MAPK10: variants seen among roughly 807,000 people sequenced by gnomAD.
MAPK10 encodes the protein mitogen-activated protein kinase 10, also known as JNK3 alpha protein kinase.
MAPK10 carries 25 observed loss-of-function variants against 59.3 expected under a neutral mutation model. The observed-to-expected ratio is 0.42, with a 90% CI of 0.31 to 0.59. The LOEUF (loss-of-function observed/expected upper bound fraction) is 0.59. Ranked by LOEUF, MAPK10 falls within the 20% of genes least tolerant of loss-of-function variation. The pLI is 0.15. For synonymous variants in MAPK10, 190 were observed against 200.5 expected (o/e 0.95, Z 0.44); for missense variants, 351 against 568.9 (o/e 0.62, Z 3.90).
chr4:86,077,073 T>C (rs892848964), intron 9 of MAPK10, among the ~76,000 whole-genome samples: 25 of 152,292 alleles, frequency 1.6e-4, no homozygotes, highest in Middle Eastern at 3.4e-3. Context: ...AATCACCTGA[T>C]ATAATTCTAA....
intron 1 of MAPK10, among the ~76,000 whole-genome samples, chr4:86,444,139 C>G (rs989529095): frequency 6.6e-6 from 1 of 151,630 alleles, no homozygotes; most frequent in African/African-American, 2.4e-5. Flanking sequence ...AATAAGAAAG[C>G]GAGAAAGCAA....
chr4:86,563,882 A>G (rs1760867301), intron 1 of MAPK10, among the ~76,000 whole-genome samples: 1 of 152,154 alleles, frequency 6.6e-6, no homozygotes, highest in Admixed American at 6.5e-5. Flanking sequence ...CCCAGGCTGG[A>G]GTACAGTGGT....
At chr4:86,282,209 C>A (rs2094834777) in intron 2 of MAPK10, among the ~76,000 whole-genome samples, 1 of 152,096 alleles carries the variant, frequency 6.6e-6, no homozygotes, top group Non-Finnish European at 1.5e-5. Context: ...AACTACAAAA[C>A]AATATTCAAA....
chr4:86,258,365 T>G (rs2093841783), intron 2 of MAPK10, among the ~76,000 whole-genome samples: 1 of 152,148 alleles, frequency 6.6e-6, no homozygotes, highest in South Asian at 2.1e-4. Context: ...ATTTTCCTTG[T>G]TCTCAGGTGC....
intron 2 of MAPK10, among the ~76,000 whole-genome samples, chr4:86,226,352 T>C (rs2090613894): frequency 6.6e-6 from 1 of 152,216 alleles, no homozygotes. Context: ...TATTTCAAGT[T>C]CATAGTGCAT....
At chr4:86,488,272 G>C (rs532620360) in intron 1 of MAPK10, among the ~76,000 whole-genome samples, 2 of 152,008 alleles carry the variant, frequency 1.3e-5, no homozygotes, top group African/African-American at 4.8e-5. Context: ...TTATTCTCTC[G>C]ACACAGCTGA....
At position 86,428,164 on chromosome 4, in the gene MAPK10, G is replaced by T. The variant is rs139396011; in HGVS notation, c.-122+24866C>A. On this transcript the variant is annotated intron_variant, in intron 1 of 13. Transcript: ENST00000361569. Reference sequence around the variant, plus strand: ...ACTTTTTTTTTTTTTTTGAGACAAGGTCTTTTTGCTCTGTCGCCCAGGCTG... The same window carrying T: ...ACTTTTTTTTTTTTTTTGAGACAAGTTCTTTTTGCTCTGTCGCCCAGGCTG... Among the ~76,000 whole-genome samples, 918 of 151,470 alleles carry T rather than the reference G, an allele frequency of 6.1e-3. 7 individuals are homozygous for T. Among genetic ancestry groups the T allele is most frequent in the African/African-American group, 0.02 (821 of 41,308 alleles).
At chr4:86,496,370 C>A (rs1754874475) in intron 1 of MAPK10, among the ~76,000 whole-genome samples, 1 of 152,090 alleles carries the variant, frequency 6.6e-6, no homozygotes, top group African/African-American at 2.4e-5. Flanking sequence ...TTTTTAAGTT[C>A]TTTTTAAAAT....
chr4:86,231,526 G>A (rs1490070357), intron 2 of MAPK10, among the ~76,000 whole-genome samples: 1 of 152,052 alleles, frequency 6.6e-6, no homozygotes, highest in Non-Finnish European at 1.5e-5. Context: ...AGCCGGGCAT[G>A]GTGGCGGGCA....
chr4:86,530,551 T>C (rs1430684845), intron 1 of MAPK10, among the ~76,000 whole-genome samples: 1 of 152,152 alleles, frequency 6.6e-6, no homozygotes, highest in Non-Finnish European at 1.5e-5. Context: ...TTCTGACAGA[T>C]CTGGAGGCTG....
intron 11 of MAPK10, among the ~76,000 whole-genome samples, chr4:86,042,016 C>T (rs928329363): frequency 1.3e-5 from 2 of 152,204 alleles, no homozygotes; most frequent in Non-Finnish European, 2.9e-5. Flanking sequence ...CACATGCACA[C>T]ATATGTTTAT....
intron 1 of MAPK10, among the ~76,000 whole-genome samples, chr4:86,441,711 C>A (rs1345198616): frequency 6.6e-6 from 1 of 152,160 alleles, no homozygotes; most frequent in Non-Finnish European, 1.5e-5. Context: ...AAAACATGGA[C>A]TAGGCTGTCA....
At chr4:86,312,759 C>T (rs2148872898) in intron 2 of MAPK10, among the ~76,000 whole-genome samples, 1 of 152,160 alleles carries the variant, frequency 6.6e-6, no homozygotes, top group South Asian at 2.1e-4. Flanking sequence ...AATCCAGCAT[C>T]AGACAGTCCG....
At chr4:86,223,438 G>C (rs1384138315) in intron 2 of MAPK10, among the ~76,000 whole-genome samples, 1 of 152,210 alleles carries the variant, frequency 6.6e-6, no homozygotes, top group Non-Finnish European at 1.5e-5. Context: ...CATTAGAACA[G>C]CATTGCTGGC....
At chr4:86,428,858 C>T (rs1747656948) in intron 1 of MAPK10, among the ~76,000 whole-genome samples, 1 of 152,154 alleles carries the variant, frequency 6.6e-6, no homozygotes, top group Non-Finnish European at 1.5e-5. Context: ...AATAGCTGTA[C>T]ATCATCATTA....
At chr4:86,507,619 T>G (rs1275464166) in intron 1 of MAPK10, among the ~76,000 whole-genome samples, 346 of 15,572 alleles carry the variant, frequency 0.022, 7 homozygotes, top group African/African-American at 0.062. Context: ...ACTGGAGATA[T>G]ATATATATAT....
chr4:86,284,290 C>T (rs2094923186), intron 2 of MAPK10, among the ~76,000 whole-genome samples: 1 of 152,210 alleles, frequency 6.6e-6, no homozygotes, highest in South Asian at 2.1e-4. Context: ...GAAGAACTTG[C>T]ATTCTGGCAA....
chr4:86,462,660 G>C lies in MAPK10; in HGVS notation c.-262-108016C>G, dbSNP rs527926404. 9.9e-5 allele frequency among the ~76,000 whole-genome samples: 15 copies of C among 152,264 alleles called. 1 individual carries two copies. The South Asian group carries it at 3.1e-3, about 32-fold the overall frequency. On this transcript the variant is annotated intron_variant, in intron 1 of 4. Coordinates refer to the MAPK10 transcript ENST00000502302. ...TATCAAAGTAGTTATATTTTGCACTGTGAAGGGCCTGATGGACAACCTGGG... is the reference window on the plus strand; with the variant it reads ...TATCAAAGTAGTTATATTTTGCACTCTGAAGGGCCTGATGGACAACCTGGG...
intron 1 of MAPK10, among the ~76,000 whole-genome samples, chr4:86,480,815 ATG>A (rs1363365694): frequency 6.6e-6 from 1 of 152,234 alleles, no homozygotes; most frequent in Non-Finnish European, 1.5e-5. Flanking sequence ...TCAAAGTGTT[ATG>A]TGACACAGGA....
Sources: allele counts gnomAD v4.1 joint callset (sites outside exome capture counted in the v4.1 genomes callset), GRCh38; gene constraint gnomAD v4.1.1; transcripts MANE v1.5; gene names NCBI Gene and HGNC (gene_info 2026-07-23, HGNC 2026-07-21).